The following CHCHD6 variants were observed in gnomAD, a reference collection of about 807,000 sequenced individuals.
CHCHD6 encodes the protein MICOS complex subunit MIC25.
A neutral mutation model predicts 32.3 loss-of-function variants in CHCHD6; 28 were observed. That is an observed-to-expected ratio of 0.87 (90% CI 0.64 to 1.19). CHCHD6 has a LOEUF of 1.19. Among genes scored for constraint, CHCHD6 ranks in the 50% most tolerant of loss-of-function variants. CHCHD6 has a pLI of 0.00. For missense variants in CHCHD6, 333 were observed against 307.0 expected (o/e 1.08, Z -0.63); for synonymous variants, 122 against 117.5 (o/e 1.04, Z -0.25).
intron 5 of CHCHD6, among the ~76,000 whole-genome samples, chr3:126,910,597 A>G (rs1324795310): frequency 6.6e-6 from 1 of 152,206 alleles, no homozygotes; most frequent in South Asian, 2.1e-4. Context: ...TTTGACTTAT[A>G]CAGTGTTCCC....
At chr3:126,860,664 A>G (rs1941828753) in intron 5 of CHCHD6, among the ~76,000 whole-genome samples, 1 of 152,130 alleles carries the variant, frequency 6.6e-6, no homozygotes. Context: ...GCCCATTAAC[A>G]CCTTTTTTTT....
intron 4 of CHCHD6, among the ~76,000 whole-genome samples, chr3:126,803,941 A>C (rs182000190): frequency 2.0e-5 from 3 of 152,246 alleles, no homozygotes; most frequent in African/African-American, 7.2e-5. Context: ...GTGGAAACTG[A>C]AGAACCTGCT....
At chr3:126,751,146 A>ATT (rs112307410) in intron 4 of CHCHD6, among the ~76,000 whole-genome samples, 18 of 144,094 alleles carry the variant, frequency 1.2e-4, no homozygotes, top group South Asian at 2.2e-4. Flanking sequence ...GGGGACTGTT[A>ATT]TTTTTTTTTT....
At chr3:126,767,377 G>A (rs551226174) in intron 4 of CHCHD6, 33 of 782,712 alleles carry the variant, frequency 4.2e-5, no homozygotes, top group African/African-American at 1.0e-4. Context: ...TGATCACTTC[G>A]TGGCTGAGGC....
chr3:126,902,672 G>A (rs186282746), intron 5 of CHCHD6, among the ~76,000 whole-genome samples: 181 of 149,348 alleles, frequency 1.2e-3, no homozygotes, highest in Non-Finnish European at 2.3e-3. Flanking sequence ...AGCCGAGATC[G>A]CGCCACTGTA....
At chr3:126,765,586 C>T (rs1937336508) in intron 4 of CHCHD6, among the ~76,000 whole-genome samples, 1 of 152,212 alleles carries the variant, frequency 6.6e-6, no homozygotes, top group African/African-American at 2.4e-5. Flanking sequence ...AAAAGGAGAC[C>T]AAAGCACAAG....
chr3:126,909,482 G>T (rs978205201), intron 5 of CHCHD6, among the ~76,000 whole-genome samples: 1 of 152,212 alleles, frequency 6.6e-6, no homozygotes, highest in African/African-American at 2.4e-5. Flanking sequence ...GGCCCTTGGA[G>T]AAATCAGACA....
intron 4 of CHCHD6, among the ~76,000 whole-genome samples, chr3:126,813,688 C>T (rs1017683935): frequency 6.6e-6 from 1 of 152,186 alleles, no homozygotes; most frequent in South Asian, 2.1e-4. Context: ...ATCTAGGGCC[C>T]TTGGATGCCC....
intron 6 of CHCHD6, chr3:126,949,751 G>A: frequency 5.3e-6 from 1 of 190,200 alleles, no homozygotes; most frequent in South Asian, 8.3e-5. Flanking sequence ...GGATAGAAGG[G>A]AAGGGTGCAG....
intron 4 of CHCHD6, among the ~76,000 whole-genome samples, chr3:126,816,849 C>T (rs1423295824): frequency 1.3e-5 from 2 of 152,096 alleles, no homozygotes; most frequent in East Asian, 3.8e-4. Flanking sequence ...TCTCCTAATG[C>T]TATCCCTCCC....
At chr3:126,803,294 A>G (rs1339556759) in intron 4 of CHCHD6, among the ~76,000 whole-genome samples, 28 of 152,304 alleles carry the variant, frequency 1.8e-4, no homozygotes, top group Admixed American at 1.8e-3. Context: ...GTCAAGACCC[A>G]TTGGTGTGCT....
At chr3:126,711,569 T>C (rs1934749396) in intron 1 of CHCHD6, among the ~76,000 whole-genome samples, 1 of 152,246 alleles carries the variant, frequency 6.6e-6, no homozygotes, top group African/African-American at 2.4e-5. Flanking sequence ...AAAGGCAGTG[T>C]GGGAAACAGA....
At chr3:126,734,600 G>A (rs1020806034) in intron 4 of CHCHD6, among the ~76,000 whole-genome samples, 7 of 152,316 alleles carry the variant, frequency 4.6e-5, no homozygotes, top group African/African-American at 1.4e-4. Context: ...CCTAGCCCTC[G>A]GGAAGTTTTA....
At chr3:126,941,837 T>C (rs1044026114) in intron 6 of CHCHD6, among the ~76,000 whole-genome samples, 2 of 152,064 alleles carry the variant, frequency 1.3e-5, no homozygotes, top group East Asian at 3.8e-4. Context: ...CAAGAATACC[T>C]CCTCCTTGGT....
At chr3:126,748,498 G>T (rs376189380) in intron 4 of CHCHD6, among the ~76,000 whole-genome samples, 1 of 151,412 alleles carries the variant, frequency 6.6e-6, no homozygotes, top group Non-Finnish European at 1.5e-5. Context: ...GGGAGGTTGA[G>T]ATAGGAGACT....
intron 4 of CHCHD6, among the ~76,000 whole-genome samples, chr3:126,799,437 T>C (rs1938958758): frequency 6.6e-6 from 1 of 152,238 alleles, no homozygotes; most frequent in Non-Finnish European, 1.5e-5. Context: ...ATTTGTTTCT[T>C]AGTGGTCTAG....
At chr3:126,927,668 A>G (rs933663728) in intron 6 of CHCHD6, among the ~76,000 whole-genome samples, 1 of 152,172 alleles carries the variant, frequency 6.6e-6, no homozygotes. Context: ...CCCACAGGCA[A>G]TGGCTGGGGT....
intron 6 of CHCHD6, among the ~76,000 whole-genome samples, chr3:126,950,963 A>G (rs1185541305): frequency 6.6e-6 from 1 of 152,236 alleles, no homozygotes; most frequent in Non-Finnish European, 1.5e-5. Context: ...CATATGTCAT[A>G]GATGGGAAGC....
chr3:126,710,589 T>C (rs1934704931), intron 1 of CHCHD6, among the ~76,000 whole-genome samples: 1 of 152,232 alleles, frequency 6.6e-6, no homozygotes, highest in African/African-American at 2.4e-5. Flanking sequence ...TCTTCATTCA[T>C]TAGATCTTTC....
Sources: gnomAD v4.1 joint callset for allele counts (sites outside exome capture counted in the v4.1 genomes callset) on GRCh38, gnomAD v4.1.1 for gene constraint, MANE v1.5 for transcripts, NCBI Gene and HGNC (gene_info 2026-07-23, HGNC 2026-07-21) for gene names.